Variants in CORO2B observed in about 807,000 individuals in gnomAD.
The protein encoded by CORO2B is coronin-2B.
Under a neutral mutation model 58.8 loss-of-function variants are expected in CORO2B, and 26 were observed. The ratio of observed to expected loss-of-function variants is 0.44; its 90% confidence interval spans 0.32 to 0.61. The LOEUF (loss-of-function observed/expected upper bound fraction) is 0.61. Among genes scored for constraint, CORO2B ranks in the 20% least tolerant of loss-of-function variants. The pLI is 0.04. For missense variants in CORO2B, 460 were observed against 645.1 expected (o/e 0.71, Z 3.11); for synonymous variants, 242 against 253.8 (o/e 0.95, Z 0.44).
At chr15:68,611,710 C>T (rs1298235707) in intron 1 of CORO2B, among the ~76,000 whole-genome samples, 1 of 151,500 alleles carries the variant, frequency 6.6e-6, no homozygotes, top group African/African-American at 2.4e-5. Flanking sequence ...ATTTTATGAA[C>T]ATAAACATAT....
chr15:68,649,874 A>G (rs985124276), intron 2 of CORO2B, among the ~76,000 whole-genome samples: 2 of 152,098 alleles, frequency 1.3e-5, no homozygotes, highest in African/African-American at 2.4e-5. Context: ...AAACCCCACT[A>G]TACACTCAAG....
chr15:68,586,688 A>G (rs1595952806), intron 1 of CORO2B, among the ~76,000 whole-genome samples: 1 of 152,076 alleles, frequency 6.6e-6, no homozygotes, highest in South Asian at 2.1e-4. Flanking sequence ...CCAGACCCGG[A>G]CCTCCGGATT....
intron 1 of CORO2B, among the ~76,000 whole-genome samples, chr15:68,609,253 G>A (rs931031705): frequency 8.5e-5 from 13 of 152,200 alleles, no homozygotes; most frequent in South Asian, 4.1e-4. Flanking sequence ...ACCTGAAAGG[G>A]ACACATTTGC....
the CORO2B span, among the ~76,000 whole-genome samples, chr15:68,561,350 C>A: frequency 4.6e-5 from 7 of 152,172 alleles, no homozygotes; most frequent in Non-Finnish European, 8.8e-5. Flanking sequence ...AGCTCACTCT[C>A]CCCGGTCCAG....
rs1379172494 is a variant in CORO2B, at chr15:68,579,151, GGCGCGGGGAGCGAGCCGGGA to G, written c.-109_-90del. The G allele has an allele frequency of 2.0e-6, 2 of 981,136 alleles. No homozygotes were observed. Among genetic ancestry groups the G allele is most frequent in the African/African-American group, 3.5e-5 (2 of 56,694 alleles). 60.8% of individuals were successfully genotyped at this position (981,136 alleles called of 1,614,324 possible). A position where few individuals can be genotyped will look rare whatever the true frequency, so the allele number is the denominator to read the frequency against. On this transcript the variant is annotated 5_prime_UTR_variant, in exon 1 of 12. Coordinates refer to ENST00000261861, the MANE Select transcript of CORO2B (RefSeq NM_006091.5). ...CCAGGCTCGGCCGAGCCGCCGGCGGGGCGCGGGGAGCGAGCCGGGAGCTGCCGGACCCCCTTCCGCCGCCG... is the reference window on the plus strand; with the variant it reads ...CCAGGCTCGGCCGAGCCGCCGGCGGGGCTGCCGGACCCCCTTCCGCCGCCG...
chr15:68,565,612 T>C, the CORO2B span, among the ~76,000 whole-genome samples: 1 of 152,202 alleles, frequency 6.6e-6, no homozygotes, highest in East Asian at 1.9e-4. Context: ...TTCTTTCTTT[T>C]ATTGCCAGAT....
At chr15:68,613,638 G>C (rs1900288989) in intron 1 of CORO2B, among the ~76,000 whole-genome samples, 1 of 152,186 alleles carries the variant, frequency 6.6e-6, no homozygotes, top group African/African-American at 2.4e-5. Flanking sequence ...GCTGCTTACA[G>C]ATATCCTCCT....
chr15:68,707,203 G>A (rs1211173872), intron 3 of CORO2B, among the ~76,000 whole-genome samples: 8 of 152,146 alleles, frequency 5.3e-5, no homozygotes, highest in African/African-American at 9.7e-5. Context: ...AAGAATGGAA[G>A]GAACACAAAT....
chr15:68,600,179 C>T (rs1282773759), intron 1 of CORO2B, among the ~76,000 whole-genome samples: 3 of 152,208 alleles, frequency 2.0e-5, no homozygotes, highest in African/African-American at 4.8e-5. Flanking sequence ...ATCTAAAAAC[C>T]ACACACACAG....
At chr15:68,673,836 A>T (rs558569516) in intron 2 of CORO2B, among the ~76,000 whole-genome samples, 7 of 1,880 alleles carry the variant, frequency 3.7e-3, no homozygotes, top group African/African-American at 4.6e-3. Context: ...GACTCCGTCT[A>T]AAAAAAAAAA....
At chr15:68,528,979 A>G in the CORO2B span, among the ~76,000 whole-genome samples, 1 of 152,240 alleles carries the variant, frequency 6.6e-6, no homozygotes, top group Non-Finnish European at 1.5e-5. Flanking sequence ...AAATGGCTAA[A>G]GCAAACCTAA....
rs756555238 is a variant in CORO2B, at chr15:68,725,953, C to T, written c.1422C>T (p.Arg474=). The T allele has an allele frequency of 2.5e-6, 4 of 1,613,882 alleles. No homozygotes were observed. Among genetic ancestry groups the T allele is most frequent in the Non-Finnish European group, 3.4e-6 (4 of 1,180,012 alleles). ...TCCAGCTGGAACTGAAAAACTTGCG[C>T]AACAGCCCCAAGAACTGTTAGCTCC... ...RQLQLELKNL[R]NSPKNC The change falls in exon 12 of 12, where the codon CGC becomes CGT. Residue 474 remains arginine, a synonymous_variant. Coordinates refer to ENST00000261861, the MANE Select transcript of CORO2B (RefSeq NM_006091.5).
chr15:68,633,535 A>ACACACACACACT (rs1238366167), intron 1 of CORO2B, among the ~76,000 whole-genome samples: 16 of 151,904 alleles, frequency 1.1e-4, no homozygotes, highest in African/African-American at 3.9e-4. Flanking sequence ...ACACACACAC[A>ACACACACACACT]CACACACACA....
chr15:68,546,499 G>C, the CORO2B span, among the ~76,000 whole-genome samples: 1 of 152,268 alleles, frequency 6.6e-6, no homozygotes, highest in South Asian at 2.1e-4. Context: ...TACTGTGTGT[G>C]GGTTTTCCCC....
rs563873187 is a variant in CORO2B, at chr15:68,616,635, G to A, written c.16-28525G>A. ...AAGCGGTGAGTACGGCTGTGTCAGC[G>A]CGTGGGCCCCAGCGCAAGCAGGCAA... is the stretch of plus-strand genomic sequence containing the variant. On this transcript the variant is annotated intron_variant, in intron 1 of 11. Transcript: ENST00000261861. 26 of 984,990 alleles carry A rather than the reference G, an allele frequency of 2.6e-5. 1 individual carries two copies. The African/African-American group carries it at 3.1e-4, about 12-fold the overall frequency. 61.0% of individuals were successfully genotyped at this position (984,990 alleles called of 1,614,324 possible).
At chr15:68,704,771 G>C (rs1470664347) in intron 3 of CORO2B, among the ~76,000 whole-genome samples, 3 of 152,092 alleles carry the variant, frequency 2.0e-5, no homozygotes, top group Non-Finnish European at 4.4e-5. Flanking sequence ...ATTAAACAAG[G>C]CTCTGACCCA....
intron 10 of CORO2B, 82 bp from the exon 11 acceptor site, chr15:68,719,331 C>T: frequency 1.9e-6 from 3 of 1,602,428 alleles, no homozygotes; most frequent in East Asian, 2.2e-5. Flanking sequence ...CCTGTTTGAA[C>T]TTCCCTCCCA....
chr15:68,559,787 C>T, the CORO2B span, among the ~76,000 whole-genome samples: 1 of 152,202 alleles, frequency 6.6e-6, no homozygotes, highest in East Asian at 1.9e-4. The surrounding 1 kb of genome is among the most constrained non-coding windows in gnomAD (Gnocchi z 4.3). Context: ...CCAGGGGGCG[C>T]GGCCCGCATC....
chr15:68,684,820 G>A (rs749930152), intron 2 of CORO2B, among the ~76,000 whole-genome samples: 3 of 152,192 alleles, frequency 2.0e-5, no homozygotes, highest in East Asian at 1.9e-4. Context: ...CTTCAGGCCC[G>A]GGAGCCTGGG....
Sources: allele counts gnomAD v4.1 joint callset (sites outside exome capture counted in the v4.1 genomes callset), GRCh38; gene constraint gnomAD v4.1.1; non-coding constraint Gnocchi (gnomAD v3.1); transcripts MANE v1.5; gene names NCBI Gene and HGNC (gene_info 2026-07-23, HGNC 2026-07-21).